The following TRDN variants were observed in gnomAD, a reference collection of about 807,000 sequenced individuals.
TRDN encodes the protein triadin.
TRDN carries 161 observed loss-of-function variants against 149.7 expected under a neutral mutation model. The observed-to-expected ratio is 1.08, with a 90% CI of 0.95 to 1.23. The LOEUF is 1.23. Among genes scored for constraint, TRDN ranks in the 50% most tolerant of loss-of-function variants. TRDN has a pLI of 0.00. For missense variants in TRDN, 896 were observed against 823.5 expected (o/e 1.09, Z -1.08); for synonymous variants, 294 against 250.5 (o/e 1.17, Z -1.64).
intron 12 of TRDN, among the ~76,000 whole-genome samples, chr6:123,415,517 C>T (rs1226906349): frequency 6.6e-6 from 1 of 152,146 alleles, no homozygotes; most frequent in Non-Finnish European, 1.5e-5. Context: ...TTAAGATAAA[C>T]ACCCATGTAA....
chr6:123,474,518 A>G (rs200587798), intron 9 of TRDN, among the ~76,000 whole-genome samples: 5,873 of 151,126 alleles, frequency 0.039, 339 homozygotes, highest in African/African-American at 0.12. Flanking sequence ...ACAGATCAAC[A>G]GACAGAAAGT....
intron 12 of TRDN, among the ~76,000 whole-genome samples, chr6:123,406,409 G>A (rs768830093): frequency 2.0e-5 from 3 of 152,050 alleles, no homozygotes; most frequent in Non-Finnish European, 4.4e-5. Context: ...ACTAGGCCTG[G>A]ACTAAACTGC....
intron 22 of TRDN, among the ~76,000 whole-genome samples, chr6:123,336,328 C>G (rs1364143344): frequency 1.3e-5 from 2 of 151,990 alleles, no homozygotes; most frequent in African/African-American, 4.8e-5. Context: ...CCTCACATTC[C>G]TTGTTCACAA....
At chr6:123,599,433 A>C (rs943835709) in intron 1 of TRDN, among the ~76,000 whole-genome samples, 8 of 152,136 alleles carry the variant, frequency 5.3e-5, no homozygotes, top group Admixed American at 2.6e-4. Context: ...TAAATAATTC[A>C]GAAATTTATT....
chr6:123,536,838 G>A (rs551561361), intron 4 of TRDN, among the ~76,000 whole-genome samples: 1 of 152,088 alleles, frequency 6.6e-6, no homozygotes, highest in South Asian at 2.1e-4. Context: ...GAGCCATGAT[G>A]GTGACACTGC....
chr6:123,459,107 A>G (rs989626948), intron 10 of TRDN, among the ~76,000 whole-genome samples: 6 of 152,188 alleles, frequency 3.9e-5, no homozygotes, highest in African/African-American at 1.2e-4. Flanking sequence ...TTCAATATCT[A>G]TATCTCCCTC....
chr6:123,258,113 C>A (rs115847299), intron 35 of TRDN, among the ~76,000 whole-genome samples: 9,236 of 150,330 alleles, frequency 0.061, 926 homozygotes, highest in African/African-American at 0.21. Context: ...CTTCCTATTT[C>A]AGTACCCTTT....
chr6:123,600,439 G>A (rs766366643), intron 1 of TRDN, among the ~76,000 whole-genome samples: 1 of 151,224 alleles, frequency 6.6e-6, no homozygotes, highest in Non-Finnish European at 1.5e-5. Context: ...GGTTGGGTGT[G>A]TAAAGGGGAA....
At chr6:123,220,826 C>G (rs1160727740) in intron 40 of TRDN, among the ~76,000 whole-genome samples, 1 of 151,778 alleles carries the variant, frequency 6.6e-6, no homozygotes, top group East Asian at 1.9e-4. Flanking sequence ...TCAGTTATAC[C>G]TATTTCAAAA....
intron 7 of TRDN, chr6:123,509,442 A>T (rs4510699): frequency 0.84 from 127,082 of 152,060 alleles, 53,333 homozygotes; most frequent in East Asian, 0.98. Flanking sequence ...TTCTCTCTCA[A>T]TAGGTTTAAT....
intron 5 of TRDN, chr6:123,528,594 T>C: frequency 1.0e-6 from 1 of 975,618 alleles, no homozygotes; most frequent in Non-Finnish European, 1.2e-6. Context: ...GATAATAACT[T>C]AAATTCCTAA....
intron 19 of TRDN, among the ~76,000 whole-genome samples, chr6:123,367,600 G>A (rs1384241246): frequency 6.6e-6 from 1 of 152,226 alleles, no homozygotes; most frequent in Admixed American, 6.5e-5. Context: ...TGGGCTTCAA[G>A]ACTGAACAGA....
Position 123,337,646 on chromosome 6 carries a change from TC to T in TRDN, c.1392del (p.Lys465ArgfsTer6). On this transcript the variant is annotated frameshift_variant, in exon 22 of 41. Transcript: ENST00000334268. LOFTEE classifies it high-confidence loss of function. ...TTATCTTTCAGAATTGAAGAAGTCTTCCCAGATTTTTCTTTTCTAATTTCTG... is the reference window on the plus strand; with the variant it reads ...TTATCTTTCAGAATTGAAGAAGTCTTCCAGATTTTTCTTTTCTAATTTCTG... Reference protein sequence around the residue: ...VEQEIRKEKSGKTSSILKDKE... With the variant: ...VEQEIRKEKSXKTSSILKDKE... 4 of 1,451,146 alleles carry T rather than the reference TC, an allele frequency of 2.8e-6. No individual in the cohort carries two copies. Among genetic ancestry groups the T allele is most frequent in the Admixed American group, 2.3e-5 (1 of 43,414 alleles). 89.9% of individuals were successfully genotyped at this position (1,451,146 alleles called of 1,614,324 possible).
At position 123,464,610 on chromosome 6, in the gene TRDN, T is replaced by A. The variant is rs558041493; in HGVS notation, c.931+296A>T. ...TCAAGTTGTGGTAAAACTCCCAGAG[T>A]TGCAAGGCATAGCCTTATCTATTTG... On this transcript the variant is annotated intron_variant, in intron 10 of 40. Transcript: ENST00000334268. 1.6e-4 allele frequency: 169 copies of A among 1,069,260 alleles called. No individual in the cohort carries two copies. The African/African-American group carries it at 2.6e-3, about 17-fold the overall frequency. The allele number at this position is 1,069,260 out of a possible 1,614,324, so 66.2% of individuals were successfully genotyped here. A position where few individuals can be genotyped will look rare whatever the true frequency, so the allele number is the denominator to read the frequency against.
rs556138419 is a variant in TRDN at position 123,515,233 on chromosome 6, C to T, written c.550+908G>A. Among the ~76,000 whole-genome samples the T allele has an allele frequency of 2.0e-4, 30 of 151,318 alleles. No individual in the cohort carries two copies. The South Asian group carries it at 6.1e-3, about 31-fold the overall frequency. On this transcript the variant is annotated intron_variant, in intron 6 of 40. Coordinates refer to ENST00000334268, the MANE Select transcript of TRDN (RefSeq NM_006073.4). ...GAAACTCAGAGAGAAAAAAAGAGAACACAAATAAAAAATACAAAGGAAGGA... is the reference window on the plus strand; with the variant it reads ...GAAACTCAGAGAGAAAAAAAGAGAATACAAATAAAAAATACAAAGGAAGGA...
At chr6:123,408,169 C>T (rs1261972099) in intron 12 of TRDN, among the ~76,000 whole-genome samples, 3 of 152,128 alleles carry the variant, frequency 2.0e-5, no homozygotes, top group Non-Finnish European at 4.4e-5. Flanking sequence ...GAGGTCCTGG[C>T]AAATAGTAAG....
At chr6:123,218,777 A>G in intron 40 of TRDN, 37 bp from the exon 41 acceptor site, 1 of 1,545,592 alleles carries the variant, frequency 6.5e-7, no homozygotes, top group Non-Finnish European at 8.7e-7. Flanking sequence ...TAAAACATGC[A>G]GAACATGAGC....
intron 32 of TRDN, among the ~76,000 whole-genome samples, chr6:123,267,321 G>C (rs1777047515): frequency 1.3e-5 from 2 of 151,858 alleles, no homozygotes; most frequent in Non-Finnish European, 2.9e-5. Context: ...CTTTTAAGAG[G>C]ATATATCAAG....
chr6:123,288,746 G>A (rs1445092421), intron 24 of TRDN, among the ~76,000 whole-genome samples: 1 of 152,016 alleles, frequency 6.6e-6, no homozygotes, highest in Non-Finnish European at 1.5e-5. Flanking sequence ...TGAGAATGAG[G>A]AGAAAAGGAA....
Sources: gnomAD v4.1 joint callset for allele counts (sites outside exome capture counted in the v4.1 genomes callset) on GRCh38, gnomAD v4.1.1 for gene constraint, MANE v1.5 for transcripts, NCBI Gene and HGNC (gene_info 2026-07-23, HGNC 2026-07-21) for gene names.